The following PKD1 variants were observed in gnomAD, a reference collection of about 807,000 sequenced individuals.
PKD1 encodes the protein polycystin 1, transient receptor potential channel interacting, also known as polycystin-1.
In PKD1, 81 loss-of-function variants were observed where a neutral mutation model predicts 361.7. That is an observed-to-expected ratio of 0.22 (90% CI 0.19 to 0.27). The LOEUF (loss-of-function observed/expected upper bound fraction) is 0.27, where lower values mean the gene tolerates loss of function less well. PKD1 is among the 10% of genes least tolerant of loss of function. The pLI is 1.00. For synonymous variants in PKD1, 3,615 were observed against 2,818.3 expected (o/e 1.28, Z -8.95); for missense variants, 6,399 against 6,118.3 (o/e 1.05, Z -1.53).
chr16:2,113,509 T>G (rs990649414), intron 11 of PKD1, among the ~76,000 whole-genome samples: 16 of 152,068 alleles, frequency 1.1e-4, no homozygotes, highest in East Asian at 3.9e-4. Flanking sequence ...TGCCTCAACC[T>G]CTCTGTGCCT....
At chr16:2,093,386 G>A (rs139051516) in intron 37 of PKD1, 158 bp downstream of exon 37, 177 of 761,828 alleles carry the variant, frequency 2.3e-4, no homozygotes, top group Middle Eastern at 7.5e-4. Flanking sequence ...AGTGGGGGGC[G>A]TGGGGTAGGA....
chr16:2,091,651 G>A (rs1050362263), intron 41 of PKD1, 54 bp from the exon 42 acceptor site: 72 of 1,555,508 alleles, frequency 4.6e-5, no homozygotes, highest in Non-Finnish European at 5.7e-5. Flanking sequence ...GAGCTGCGGG[G>A]ACCGCGCAGT....
rs751161379 is a variant in PKD1, at chr16:2,116,116, G to C, written c.1725C>G (p.Val575=). 22 of 1,556,862 alleles carry C rather than the reference G, an allele frequency of 1.4e-5. No individual in the cohort carries two copies. The South Asian group carries it at 2.2e-4, about 16-fold the overall frequency. The change falls in exon 9 of 46, where the codon GTC becomes GTG. Residue 575 remains valine (V), a splice_region_variant and synonymous_variant. Coordinates refer to ENST00000262304, the MANE Select transcript of PKD1 (RefSeq NM_001009944.3). ...GLSAPHEPVE[V]MVFPGLRLSR... is the part of the protein sequence containing the mutation. The stretch of plus-strand genomic sequence containing the variant: ...TCAGACGCAGGCCCGGGAATACCAT[G>C]ACCTGGTGGGCAGGGGGCCGCCTCA...
chr16:2,108,276 G>A lies in PKD1; in HGVS notation c.6891C>T (p.His2297=), dbSNP rs1291919678. ...EDGDQTPLSF[H]WACVASTQRE... Reference sequence around the variant, plus strand: ...CCTGTGTCGAAGCCACACAGGCCCAGTGGAAACTGAGCGGCGTCTGGTCGC... The same window carrying A: ...CCTGTGTCGAAGCCACACAGGCCCAATGGAAACTGAGCGGCGTCTGGTCGC... The change falls in exon 15 of 46, where the codon CAC becomes CAT. Residue 2297 remains histidine (H), a synonymous_variant. Transcript: ENST00000262304. The A allele has an allele frequency of 3.7e-6, 6 of 1,602,444 alleles. No individual in the cohort carries two copies. Among genetic ancestry groups the A allele is most frequent in the Non-Finnish European group, 5.1e-6 (6 of 1,173,764 alleles).
In PKD1 at chr16:2,135,864, C is replaced by T; in HGVS notation, c.-175G>A. 3 of 233,396 alleles carry T rather than the reference C, an allele frequency of 1.3e-5. No homozygotes were observed. Among genetic ancestry groups the T allele is most frequent in the Non-Finnish European group, 2.1e-5 (3 of 143,970 alleles). 14.5% of individuals were successfully genotyped at this position (233,396 alleles called of 1,614,324 possible). A position where few individuals can be genotyped will look rare whatever the true frequency, so the allele number is the denominator to read the frequency against. On this transcript the variant is annotated 5_prime_UTR_variant, in exon 1 of 46. Coordinates refer to ENST00000262304, the MANE Select transcript of PKD1 (RefSeq NM_001009944.3). ...GCTCGGGGCCAGGCCGCTCCGGGAG[C>T]TCGGCCGCCCGCTCGGACGCTGGCG...
At position 2,106,518 on chromosome 16, in the gene PKD1, C is replaced by T; in HGVS notation, c.7369G>A (p.Glu2457Lys). The part of the protein sequence containing the change: ...TLTVLGRSGE[E>K]EGCASIRLSP... ...AGGCGGATGGAGGCGCAGCCCTCCTCCTCGCCAGAGCGGCCCAGCACCGTG... is the reference window on the plus strand; with the variant it reads ...AGGCGGATGGAGGCGCAGCCCTCCTTCTCGCCAGAGCGGCCCAGCACCGTG... Residue 2457 changes from glutamate to lysine, a missense_variant, in exon 18 of 46, where the codon GAG (glutamate) becomes AAG (lysine). Transcript: ENST00000262304. The surrounding 1 kb of genome is among the most constrained non-coding windows in gnomAD (Gnocchi z 6.5). 9.4e-6 allele frequency: 15 copies of T among 1,595,886 alleles called. No individual in the cohort carries two copies. The highest frequency in any genetic ancestry group is 1.3e-5 in the Non-Finnish European group (15 of 1,178,888).
Position 2,114,186 on chromosome 16 carries a change from A to G in PKD1, c.2837T>C (p.Leu946Pro), listed in dbSNP as rs1173261802. 4 of 1,607,416 alleles carry G rather than the reference A, an allele frequency of 2.5e-6. No homozygotes were observed. The highest frequency in any genetic ancestry group is 3.4e-6 in the Non-Finnish European group (4 of 1,179,546). The part of the protein sequence containing the change: ...RATPSPEARV[L>P]QGVLVRYSPV... The stretch of plus-strand genomic sequence containing the variant: ...CATACTCACCACTAGGACTCCCTGC[A>G]GTACACGGGCCTCGGGGCTGGGCGT... Residue 946 changes from leucine (L) to proline (P), a missense_variant, in exon 11 of 46, where the codon CTG (leucine) becomes CCG (proline). Coordinates refer to ENST00000262304, the MANE Select transcript of PKD1 (RefSeq NM_001009944.3).
At position 2,089,797 on chromosome 16, in the gene PKD1, A is replaced by C; in HGVS notation, c.12842T>G (p.Val4281Gly). 3.1e-6 allele frequency: 5 copies of C among 1,597,762 alleles called. No individual in the cohort carries two copies. Among genetic ancestry groups the C allele is most frequent in the Non-Finnish European group, 4.3e-6 (5 of 1,173,194 alleles). The change falls in exon 46 of 46, where the codon GTG (valine) becomes GGG (glycine). Residue 4281 changes from valine to glycine, a missense_variant. Coordinates refer to ENST00000262304, the MANE Select transcript of PKD1 (RefSeq NM_001009944.3). ...CCTGCTGGGGCCAGTGGCCAGGTCC[A>C]CACCCCGACTGGCCCGGGCAAGGCG... is the stretch of plus-strand genomic sequence containing the variant. ...PSRLARASRG[V>G]DLATGPSRTP...
Position 2,106,314 on chromosome 16 carries a change from G to C in PKD1, c.7490-10C>G. ...TCCGCGTCATGCCAGCCTGAGGGAC[G>C]GTCCCCACGGCATCACGGGAGGGCT... On this transcript the variant is annotated splice_polypyrimidine_tract_variant and intron_variant, in intron 18 of 45. Transcript: ENST00000262304. The surrounding 1 kb of genome is among the most constrained non-coding windows in gnomAD (Gnocchi z 6.5). 6.2e-7 allele frequency: 1 copy of C among 1,607,310 alleles called. No homozygotes were observed. The highest frequency in any genetic ancestry group is 8.5e-7 in the Non-Finnish European group (1 of 1,177,218).
In PKD1 at chr16:2,103,358, T is replaced by C. The variant is rs780567347; in HGVS notation, c.8699A>G (p.Gln2900Arg). The C allele has an allele frequency of 3.1e-6, 5 of 1,604,346 alleles. No individual in the cohort carries two copies. The Admixed American group carries it at 6.7e-5, about 21-fold the overall frequency. ...CACAGCACCGACGGAGGCCTGGGGC[T>C]GGACCACAACGGAGTTGGCGGAGTT... ...SANSANSVVV[Q>R]PQASVGAVVT... Residue 2900 changes from glutamine (Q) to arginine (R), a missense_variant, in exon 23 of 46, where the codon CAG becomes CGG. Transcript: ENST00000262304.
At position 2,135,585 on chromosome 16, in the gene PKD1, G is replaced by T. The variant is rs1448092200; in HGVS notation, c.105C>A (p.Pro35=). 2.4e-5 allele frequency: 25 copies of T among 1,053,358 alleles called. No homozygotes were observed. The highest frequency in any genetic ancestry group is 2.9e-5 in the Non-Finnish European group (25 of 875,546). 65.3% of individuals were successfully genotyped at this position (1,053,358 alleles called of 1,614,324 possible). Reference sequence around the variant, plus strand: ...CGGGCGCTGGGCCGCAGAGGCAGGGGGGCTCGCAGGGCCCGCAGCCGCGCC... The same window carrying T: ...CGGGCGCTGGGCCGCAGAGGCAGGGTGGCTCGCAGGGCCCGCAGCCGCGCC... ...GPGRGCGPCE[P]PCLCGPAPGA... The change falls in exon 1 of 46, where the codon CCC becomes CCA. Residue 35 remains proline (P), a synonymous_variant. Transcript: ENST00000262304.
chr16:2,090,198 G>C lies in PKD1; in HGVS notation c.12445-4C>G, dbSNP rs1427902598. 1.2e-6 allele frequency: 2 copies of C among 1,606,074 alleles called. No homozygotes were observed. Among genetic ancestry groups the C allele is most frequent in the Non-Finnish European group, 1.7e-6 (2 of 1,176,400 alleles). On this transcript the variant is annotated splice_polypyrimidine_tract_variant and splice_region_variant and intron_variant, in intron 45 of 45. Transcript: ENST00000262304. ...CAAAGCGGACTTTGTGGCGGAACTG[G>C]GGGCGGCACAGGGGCTCAGTCAGTC...
chr16:2,092,095 G>C lies in PKD1; in HGVS notation c.11363C>G (p.Pro3788Arg), dbSNP rs762337976. ...TSDYDVGWES[P>R]HNGSGTWAYS... ...GGCCCACGTCCCCGAGCCATTGTGA[G>C]GACTCTCCCAGCCAACGTCGTAATC... is the stretch of plus-strand genomic sequence containing the variant. Residue 3788 changes from proline to arginine, a missense_variant, in exon 40 of 46, where the codon CCT becomes CGT. By Grantham distance (103) the Pro-to-Arg change is moderately radical. Transcript: ENST00000262304. 4.3e-6 allele frequency: 7 copies of C among 1,612,882 alleles called. No homozygotes were observed. The East Asian group carries it at 1.1e-4, about 26-fold the overall frequency.
Position 2,105,165 on chromosome 16 carries a change from G to C in PKD1, c.8016+157C>G, listed in dbSNP as rs542500782. Among the ~76,000 whole-genome samples, 11 of 151,488 alleles carry C rather than the reference G, an allele frequency of 7.3e-5. No individual in the cohort carries two copies. In the East Asian group the frequency reaches 2.1e-3, roughly 30 times the overall value. ...GTTCACACAGGACAGAACGGCTGAG[G>C]CTACTGAAGCAGGTCAGAGACCGAG... is the stretch of plus-strand genomic sequence containing the variant. On this transcript the variant is annotated intron_variant, in intron 21 of 45. Coordinates refer to ENST00000262304, the MANE Select transcript of PKD1 (RefSeq NM_001009944.3).
In PKD1 at chr16:2,091,826, C is replaced by T. The variant is rs771139859; in HGVS notation, c.11492G>A (p.Arg3831His). 3.7e-6 allele frequency: 6 copies of T among 1,609,974 alleles called. No homozygotes were observed. Among genetic ancestry groups the T allele is most frequent in the Non-Finnish European group, 5.1e-6 (6 of 1,179,124 alleles). The change falls in exon 41 of 46, where the codon CGC (arginine) becomes CAC (histidine). Residue 3831 changes from arginine to histidine, a missense_variant. Coordinates refer to ENST00000262304, the MANE Select transcript of PKD1 (RefSeq NM_001009944.3). ...CAGCTGCAGGAAGCGCAGCCGGTCG[C>T]GGCTCTCCTCCAGGCTCAGGCCCAG... Reference protein sequence around the residue: ...QELGLSLEESRDRLRFLQLHN... With the variant: ...QELGLSLEESHDRLRFLQLHN...
intron 35 of PKD1, 35 bp downstream of exon 35, chr16:2,094,057 G>A (rs1166953871): frequency 6.9e-6 from 11 of 1,584,678 alleles, no homozygotes; most frequent in Non-Finnish European, 6.9e-6. Flanking sequence ...CTCACAGGGA[G>A]GGGCTAGGGG....
At position 2,102,595 on chromosome 16, in the gene PKD1, G is replaced by A; in HGVS notation, c.8987C>T (p.Ser2996Phe). The part of the protein sequence containing the change: ...DPAGSYHLNL[S>F]SHFRWSALQV... ...CAGCGCCGACCAGCGGAAGTGGCTG[G>A]AGAGGTTCAGATGGTAACTCCCCGC... The change falls in exon 25 of 46, where the codon TCC becomes TTC. Residue 2996 changes from serine to phenylalanine, a missense_variant. Physicochemically the swap from Ser to Phe is radical, Grantham distance 155. Coordinates refer to ENST00000262304, the MANE Select transcript of PKD1 (RefSeq NM_001009944.3). The A allele has an allele frequency of 6.2e-7, 1 of 1,611,224 alleles. No individual in the cohort carries two copies.
At chr16:2,094,336 CG>C in intron 34 of PKD1, 126 bp from the exon 35 acceptor site, 3 of 708,778 alleles carry the variant, frequency 4.2e-6, no homozygotes, top group Non-Finnish European at 7.6e-6. Flanking sequence ...GACAAAAAGC[CG>C]GAAGACCCTA....
chr16:2,116,291 G>T (rs912957481), intron 8 of PKD1, 173 bp from the exon 9 acceptor site: 2 of 738,690 alleles, frequency 2.7e-6, no homozygotes, highest in Non-Finnish European at 4.7e-6. Flanking sequence ...CTGTCCATGG[G>T]GGGCAGGACC....
Sources: gnomAD v4.1 joint callset for allele counts (sites outside exome capture counted in the v4.1 genomes callset) on GRCh38, gnomAD v4.1.1 for gene constraint, Gnocchi (gnomAD v3.1) non-coding constraint, MANE v1.5 for transcripts, NCBI Gene and HGNC (gene_info 2026-07-23, HGNC 2026-07-21) for gene names.